GPN2: variants seen among roughly 807,000 people sequenced by gnomAD.
The protein encoded by GPN2 is GPN-loop GTPase 2.
In GPN2, 27 loss-of-function variants were observed where a neutral mutation model predicts 30.1. That is an observed-to-expected ratio of 0.90 (90% CI 0.66 to 1.24). The LOEUF is 1.24. Among genes scored for constraint, GPN2 ranks in the 50% most tolerant of loss-of-function variants. GPN2 has a pLI of 0.00. For synonymous variants in GPN2, 212 were observed against 174.4 expected (o/e 1.22, Z -1.70); for missense variants, 406 against 405.4 (o/e 1.00, Z -0.01).
chr1:26,890,244 G>C lies in GPN2; in HGVS notation c.-148C>G, dbSNP rs1001490205. 2 of 693,184 alleles carry C rather than the reference G, an allele frequency of 2.9e-6. No homozygotes were observed. Among genetic ancestry groups the C allele is most frequent in the Non-Finnish European group, 4.6e-6 (2 of 435,520 alleles). 42.9% of individuals were successfully genotyped at this position (693,184 alleles called of 1,614,324 possible). On this transcript the variant is annotated 5_prime_UTR_variant, in exon 1 of 5. Coordinates refer to ENST00000374135, the MANE Select transcript of GPN2 (RefSeq NM_018066.4). ...CCTCAGGCGGAACAGCTGAGACCGT[G>C]TCGCGCAAAAGGAGATAACAGGCCG...
At chr1:26,885,680 C>T (rs1028788944) in intron 3 of GPN2, among the ~76,000 whole-genome samples, 28 of 151,252 alleles carry the variant, frequency 1.9e-4, no homozygotes, top group African/African-American at 6.1e-4. Context: ...CACGGGTTCA[C>T]GCCATTCTCC....
In GPN2 at chr1:26,876,235, G is replaced by C. The variant is rs1392594826; in HGVS notation, c.*3442C>G. The C allele has an allele frequency of 3.5e-5, 5 of 144,602 alleles. No individual in the cohort carries two copies. The highest frequency in any genetic ancestry group is 1.0e-4 in the African/African-American group (4 of 39,132). 9.0% of individuals were successfully genotyped at this position (144,602 alleles called of 1,614,324 possible). ...TCATTTTCGTTTTTTTTTTTTTTGA[G>C]ATGTACTTTCCATCTTGTTACCCAG... On this transcript the variant is annotated 3_prime_UTR_variant, in exon 5 of 5. Coordinates refer to ENST00000374135, the MANE Select transcript of GPN2 (RefSeq NM_018066.4).
At chr1:26,884,773 G>A (rs983428528) in intron 3 of GPN2, among the ~76,000 whole-genome samples, 14 of 152,226 alleles carry the variant, frequency 9.2e-5, no homozygotes, top group African/African-American at 3.4e-4. Context: ...CTTAAGGTCA[G>A]GAGTTCAAGA....
chr1:26,889,048 C>T lies in GPN2; in HGVS notation c.489G>A (p.Leu163=), dbSNP rs1031064390. The T allele has an allele frequency of 1.2e-6, 2 of 1,613,956 alleles. No homozygotes were observed. The highest frequency in any genetic ancestry group is 1.7e-6 in the Non-Finnish European group (2 of 1,179,838). The change falls in exon 2 of 5, where the codon CTG becomes CTA. Residue 163 remains leucine (L), a synonymous_variant. Coordinates refer to ENST00000374135, the MANE Select transcript of GPN2 (RefSeq NM_018066.4). ...GCAGTTCCACGTGCAGCATGGTGGC[C>T]AGGGAGGTACACAGTACTGAAATGA... ...AKFISVLCTS[L]ATMLHVELPH... is the part of the protein sequence containing the mutation.
intron 2 of GPN2, 131 bp from the exon 3 acceptor site, chr1:26,886,264 C>T: frequency 3.0e-6 from 2 of 662,650 alleles, no homozygotes; most frequent in East Asian, 2.7e-5. Context: ...AATGAAGTTA[C>T]TAAGAAAAAA....
rs2081855930 is a variant in GPN2, at chr1:26,879,850, A to G, written c.861-101T>C. On this transcript the variant is annotated intron_variant, in intron 4 of 4. Coordinates refer to ENST00000374135, the MANE Select transcript of GPN2 (RefSeq NM_018066.4). ...TGATGCCTACACTCCAACCATGTCC[A>G]TCCCTCTCTTCCTCATAATTATAGG... 3 of 762,800 alleles carry G rather than the reference A, an allele frequency of 3.9e-6. No individual in the cohort carries two copies. In the Admixed American group the frequency reaches 6.0e-5, roughly 15 times the overall value. The allele number at this position is 762,800 out of a possible 1,614,324, so 47.3% of individuals were successfully genotyped here.
At chr1:26,884,602 T>G (rs1281654655) in intron 3 of GPN2, among the ~76,000 whole-genome samples, 3 of 152,202 alleles carry the variant, frequency 2.0e-5, no homozygotes, top group African/African-American at 7.2e-5. Context: ...AAACACCCCT[T>G]AGGGCCAGGT....
At position 26,890,212 on chromosome 1, in the gene GPN2, T is replaced by C. The variant is rs1570696402; in HGVS notation, c.-116A>G. 1 of 902,042 alleles carries C rather than the reference T, an allele frequency of 1.1e-6. No individual in the cohort carries two copies. The highest frequency in any genetic ancestry group is 1.8e-5 in the South Asian group (1 of 54,358). The allele number at this position is 902,042 out of a possible 1,614,324, so 55.9% of individuals were successfully genotyped here. Reference sequence around the variant, plus strand: ...ACGTATACCTCGTTGGCGGCCAGCGTCACTCGCCTCAGGCGGAACAGCTGA... The same window carrying C: ...ACGTATACCTCGTTGGCGGCCAGCGCCACTCGCCTCAGGCGGAACAGCTGA... On this transcript the variant is annotated 5_prime_UTR_variant, in exon 1 of 5. Transcript: ENST00000374135.
At position 26,885,927 on chromosome 1, in the gene GPN2, G is replaced by A. The variant is rs187131037; in HGVS notation, c.729+46C>T. On this transcript the variant is annotated intron_variant, in intron 3 of 4. Transcript: ENST00000374135. Reference sequence around the variant, plus strand: ...TCAAAGCTTCCTGTGCTTTTGGCTTGGTGAATCCCATGCACTGTCAAGAGT... The same window carrying A: ...TCAAAGCTTCCTGTGCTTTTGGCTTAGTGAATCCCATGCACTGTCAAGAGT... The A allele has an allele frequency of 3.5e-4, 502 of 1,452,936 alleles. 5 individuals are homozygous for A. The East Asian group carries it at 0.011, about 31-fold the overall frequency. 90.0% of individuals were successfully genotyped at this position (1,452,936 alleles called of 1,614,324 possible).
Position 26,889,860 on chromosome 1 carries a change from G to A in GPN2, c.237C>T (p.Gly79=), listed in dbSNP as rs1425616984. The A allele has an allele frequency of 6.2e-7, 1 of 1,612,556 alleles. No individual in the cohort carries two copies. The highest frequency in any genetic ancestry group is 1.1e-5 in the South Asian group (1 of 91,024). ...VMDALRLGPN[G]GLLYCMEYLE... ...GGTACTCCATGCAGTAGAGCAGGCC[G>A]CCGTTGGGCCCCAGGCGCAGCGCGT... The change falls in exon 1 of 5, where the codon GGC becomes GGT. Residue 79 remains glycine (G), a synonymous_variant. Transcript: ENST00000374135.
intron 2 of GPN2, 73 bp downstream of exon 2, chr1:26,888,892 GCTAC>G: frequency 6.8e-7 from 1 of 1,460,968 alleles, no homozygotes; most frequent in Non-Finnish European, 9.5e-7. Context: ...ACCAGAGGCA[GCTAC>G]CTTCAGCTGA....
intron 4 of GPN2, among the ~76,000 whole-genome samples, chr1:26,881,796 C>T (rs1271556138): frequency 5.9e-5 from 9 of 152,168 alleles, no homozygotes; most frequent in African/African-American, 1.9e-4. Context: ...CCTGTGATCC[C>T]AGCACTTTGG....
chr1:26,880,173 A>C (rs1032932758), intron 4 of GPN2, among the ~76,000 whole-genome samples: 1 of 152,188 alleles, frequency 6.6e-6, no homozygotes, highest in East Asian at 1.9e-4. Context: ...ACCAAAACCA[A>C]GGTTTGAACT....
chr1:26,886,891 G>A (rs948577432), intron 2 of GPN2, among the ~76,000 whole-genome samples: 3 of 151,950 alleles, frequency 2.0e-5, no homozygotes, highest in Non-Finnish European at 4.4e-5. Flanking sequence ...TACACGGGAG[G>A]CTGAGGCAGG....
Position 26,889,940 on chromosome 1 carries a change from G to A in GPN2, c.157C>T (p.Pro53Ser). The A allele has an allele frequency of 1.9e-6, 3 of 1,608,654 alleles. No homozygotes were observed. The highest frequency in any genetic ancestry group is 1.1e-5 in the South Asian group (1 of 90,946). The change falls in exon 1 of 5, where the codon CCG becomes TCG. Residue 53 changes from proline (P) to serine (S), a missense_variant. Physicochemically the swap from Pro to Ser is moderately conservative, Grantham distance 74. Coordinates refer to ENST00000374135, the MANE Select transcript of GPN2 (RefSeq NM_018066.4). ...VNLDPANEGL[P>S]YECAVDVGEL... is the part of the protein sequence containing the mutation. Reference sequence around the variant, plus strand: ...CCCACGTCCACGGCACACTCGTACGGCAGCCCCTCGTTGGCCGGGTCCAGG... The same window carrying A: ...CCCACGTCCACGGCACACTCGTACGACAGCCCCTCGTTGGCCGGGTCCAGG...
At chr1:26,888,648 G>A (rs1226781679) in intron 2 of GPN2, among the ~76,000 whole-genome samples, 1 of 152,168 alleles carries the variant, frequency 6.6e-6, no homozygotes, top group Non-Finnish European at 1.5e-5. Context: ...CAGACCACAC[G>A]ATGATTCAGT....
chr1:26,890,223 A>G lies in GPN2; in HGVS notation c.-127T>C. The G allele has an allele frequency of 7.4e-6, 6 of 811,018 alleles. 1 individual carries two copies. The South Asian group carries it at 9.5e-5, about 13-fold the overall frequency. 50.2% of individuals were successfully genotyped at this position (811,018 alleles called of 1,614,324 possible). A position where few individuals can be genotyped will look rare whatever the true frequency, so the allele number is the denominator to read the frequency against. ...GTTGGCGGCCAGCGTCACTCGCCTCAGGCGGAACAGCTGAGACCGTGTCGC... is the reference window on the plus strand; with the variant it reads ...GTTGGCGGCCAGCGTCACTCGCCTCGGGCGGAACAGCTGAGACCGTGTCGC... On this transcript the variant is annotated 5_prime_UTR_variant, in exon 1 of 5. Transcript: ENST00000374135.
intron 3 of GPN2, 113 bp from the exon 4 acceptor site, chr1:26,884,403 G>T: frequency 9.5e-7 from 1 of 1,051,206 alleles, no homozygotes; most frequent in Non-Finnish European, 1.3e-6. Flanking sequence ...AGCTTTCTTG[G>T]CCTGGAGTAG....
intron 4 of GPN2, among the ~76,000 whole-genome samples, chr1:26,881,732 T>A (rs1406263477): frequency 6.6e-6 from 1 of 151,980 alleles, no homozygotes; most frequent in Non-Finnish European, 1.5e-5. Flanking sequence ...AGACTCTGCC[T>A]CACAAAATAA....
Sources: allele counts gnomAD v4.1 joint callset (sites outside exome capture counted in the v4.1 genomes callset), GRCh38; gene constraint gnomAD v4.1.1; transcripts MANE v1.5; gene names NCBI Gene and HGNC (gene_info 2026-07-23, HGNC 2026-07-21).